EPC1: variants seen among roughly 807,000 people sequenced by gnomAD.
EPC1 encodes enhancer of polycomb 1.
Under a neutral mutation model 98.4 loss-of-function variants are expected in EPC1, and 12 were observed. The ratio of observed to expected loss-of-function variants is 0.12; its 90% confidence interval spans 0.08 to 0.20. EPC1 has a LOEUF of 0.20. EPC1 is among the 10% of genes least tolerant of loss of function. The pLI, the probability that EPC1 is intolerant of heterozygous loss-of-function variation, is 1.00. For synonymous variants in EPC1, 357 were observed against 363.9 expected, an observed-to-expected ratio of 0.98 and a Z score of 0.21; for missense variants, 729 against 990.5, an observed-to-expected ratio of 0.74 and a Z score of 3.54.
chr10:32,344,242 C>A (rs527644644), intron 1 of EPC1, among the ~76,000 whole-genome samples: 4 of 152,320 alleles, frequency 2.6e-5, no homozygotes, highest in African/African-American at 9.6e-5. Context: ...ACACACCCTA[C>A]CACTAACAGC....
At chr10:32,319,334 G>A (rs1393777145) in intron 1 of EPC1, among the ~76,000 whole-genome samples, 1 of 152,206 alleles carries the variant, frequency 6.6e-6, no homozygotes, top group African/African-American at 2.4e-5. Flanking sequence ...CATACTGGAA[G>A]TGGCAGAAGA....
chr10:32,283,800 G>A (rs1283808105), intron 10 of EPC1: 1 of 152,168 alleles, frequency 6.6e-6, no homozygotes, highest in Non-Finnish European at 1.5e-5. Context: ...AGTTATACAT[G>A]AATTTTGGAC....
At chr10:32,358,121 G>C (rs145915752) in intron 1 of EPC1, among the ~76,000 whole-genome samples, 1,884 of 152,094 alleles carry the variant, frequency 0.012, 44 homozygotes, top group African/African-American at 0.044. Context: ...TCCCAAAGTG[G>C]TGGGATTACA....
At position 32,346,800 on chromosome 10, in the gene EPC1, G is replaced by A; in HGVS notation, c.116C>T (p.Pro39Leu). ...CTTCTCCATTCCGGTGGGCATCTGC[G>A]GCACGGCCCTGTTTATCGAGGCGTA... ...HEYASINRAV[P>L]QMPTGMEKEE... Residue 39 changes from proline to leucine, a missense_variant, in exon 1 of 14, where the codon CCG (proline) becomes CTG (leucine). Transcript: ENST00000319778. 2 of 1,614,190 alleles carry A rather than the reference G, an allele frequency of 1.2e-6. No individual in the cohort carries two copies. The highest frequency in any genetic ancestry group is 1.7e-6 in the Non-Finnish European group (2 of 1,180,018).
chr10:32,341,331 C>CTGTGTGTGTGTGTCTGTGTGTGTG (rs150858943), intron 1 of EPC1, among the ~76,000 whole-genome samples: 2 of 151,064 alleles, frequency 1.3e-5, no homozygotes, highest in East Asian at 2.0e-4. Context: ...GTGTGTGTGT[C>CTGTGTGTGTGTGTCTGTGTGTGTG]TGTGTGTGTG....
intron 10 of EPC1, among the ~76,000 whole-genome samples, chr10:32,281,191 C>T (rs1426530926): frequency 6.6e-6 from 1 of 152,136 alleles, no homozygotes; most frequent in Non-Finnish European, 1.5e-5. Context: ...CCCACCACCA[C>T]GTCTGGCTAA....
upstream of EPC1, among the ~76,000 whole-genome samples, chr10:32,350,199 G>C (rs1262928744): frequency 6.6e-6 from 1 of 152,158 alleles, no homozygotes; most frequent in Non-Finnish European, 1.5e-5. Flanking sequence ...GAAAGGATTT[G>C]GAGTATTTAA....
chr10:32,293,162 T>C lies in EPC1; in HGVS notation c.492A>G (p.Leu164=), dbSNP rs905839206. 6.2e-7 allele frequency: 1 copy of C among 1,613,266 alleles called. No homozygotes were observed. The highest frequency in any genetic ancestry group is 2.2e-5 in the East Asian group (1 of 44,822). Residue 164 remains leucine, a synonymous_variant, in exon 4 of 14, where the codon CTA becomes CTG. Transcript: ENST00000319778. ...PVSLQEAKLL[L]KEDDELIREV... is the part of the protein sequence containing the mutation. ...CTCTAATTAGTTCATCATCTTCTTT[T>C]AGCAGTAGTTTGGCTTCCTGCAGAC...
At chr10:32,371,516 G>C (rs1839747959) in intron 1 of EPC1, among the ~76,000 whole-genome samples, 1 of 152,166 alleles carries the variant, frequency 6.6e-6, no homozygotes, top group Admixed American at 6.5e-5. Flanking sequence ...TGTAAAGTAT[G>C]CGTGCTATTT....
At chr10:32,370,157 T>C (rs1270524866) in intron 1 of EPC1, among the ~76,000 whole-genome samples, 1 of 152,208 alleles carries the variant, frequency 6.6e-6, no homozygotes, top group Non-Finnish European at 1.5e-5. Flanking sequence ...AACTCATAAC[T>C]GAAGAGGAGT....
intron 2 of EPC1, among the ~76,000 whole-genome samples, chr10:32,294,902 G>T (rs1835057682): frequency 6.6e-6 from 1 of 151,856 alleles, no homozygotes. Context: ...ATTTCATGCA[G>T]TATGCTATTT....
chr10:32,329,854 G>T (rs185172603), intron 1 of EPC1, among the ~76,000 whole-genome samples: 1 of 152,188 alleles, frequency 6.6e-6, no homozygotes, highest in Non-Finnish European at 1.5e-5. Context: ...CATGAAAGAT[G>T]ATATTATGAG....
intron 1 of EPC1, among the ~76,000 whole-genome samples, chr10:32,318,234 A>C (rs909967851): frequency 6.6e-6 from 1 of 152,182 alleles, no homozygotes; most frequent in African/African-American, 2.4e-5. Context: ...TTTTTGTTGT[A>C]ATCTTTATGC....
chr10:32,370,910 C>A (rs1248724957), intron 1 of EPC1, among the ~76,000 whole-genome samples: 1 of 152,178 alleles, frequency 6.6e-6, no homozygotes, highest in Non-Finnish European at 1.5e-5. Context: ...CTGAATGACT[C>A]TTTTTGATTC....
intron 1 of EPC1, among the ~76,000 whole-genome samples, chr10:32,338,072 C>G (rs946950410): frequency 6.6e-6 from 1 of 152,202 alleles, no homozygotes. Flanking sequence ...TTATACACTT[C>G]TAGCACAAAC....
intron 1 of EPC1, among the ~76,000 whole-genome samples, chr10:32,371,052 G>A (rs907598396): frequency 1.3e-5 from 2 of 152,100 alleles, no homozygotes; most frequent in Non-Finnish European, 2.9e-5. Flanking sequence ...GAAAGGACAT[G>A]GAATTTGCTG....
intron 4 of EPC1, 55 bp from the exon 5 acceptor site, chr10:32,292,699 T>C: frequency 6.5e-7 from 1 of 1,532,520 alleles, no homozygotes; most frequent in Non-Finnish European, 8.8e-7. Flanking sequence ...ACTAGTGGTA[T>C]AGTTATTGAC....
chr10:32,341,113 G>C (rs535325568), intron 1 of EPC1, among the ~76,000 whole-genome samples: 9 of 152,244 alleles, frequency 5.9e-5, no homozygotes, highest in African/African-American at 2.2e-4. Flanking sequence ...CTTCTTCTAA[G>C]AAGTACAATC....
upstream of EPC1, among the ~76,000 whole-genome samples, chr10:32,350,542 G>A (rs887640285): frequency 2.0e-5 from 3 of 152,192 alleles, no homozygotes; most frequent in African/African-American, 7.2e-5. Flanking sequence ...GCAACTGTCA[G>A]GTATGATTGA....
Sources: allele counts gnomAD v4.1 joint callset (sites outside exome capture counted in the v4.1 genomes callset), GRCh38; gene constraint gnomAD v4.1.1; transcripts MANE v1.5; gene names NCBI Gene and HGNC (gene_info 2026-07-23, HGNC 2026-07-21).